Variants in CLDN16 observed in about 807,000 individuals in gnomAD.
The protein encoded by CLDN16 is claudin-16.
A neutral mutation model predicts 24.6 loss-of-function variants in CLDN16; 13 were observed. The ratio of observed to expected loss-of-function variants is 0.53; its 90% CI spans 0.34 to 0.84. CLDN16 has a LOEUF of 0.84. Among genes scored for constraint, CLDN16 ranks in the 40% least tolerant of loss-of-function variants. The pLI, the probability that CLDN16 is intolerant of heterozygous loss-of-function variation, is 0.01. For missense variants in CLDN16, 298 were observed against 292.7 expected, an observed-to-expected ratio of 1.02 and a Z score of -0.13; for synonymous variants, 116 against 106.7, an observed-to-expected ratio of 1.09 and a Z score of -0.54.
the CLDN16 span, chr3:190,306,040 T>A: frequency 6.6e-6 from 1 of 152,258 alleles, no homozygotes; most frequent in African/African-American, 2.4e-5. Flanking sequence ...CAATTCCTCA[T>A]AAGACACAGT....
intron 1 of CLDN16, among the ~76,000 whole-genome samples, chr3:190,365,432 G>C (rs1378095195): frequency 2.6e-5 from 4 of 151,216 alleles, no homozygotes; most frequent in African/African-American, 9.7e-5. Context: ...TGGGCTTCCA[G>C]CCTTAGGTGG....
intron 1 of CLDN16, among the ~76,000 whole-genome samples, chr3:190,398,078 T>C (rs915718330): frequency 9.2e-5 from 14 of 152,214 alleles, no homozygotes; most frequent in African/African-American, 3.4e-4. Context: ...TTGTATCACC[T>C]AGCTTGAGCT....
chr3:190,409,227 C>T (rs1316567336), intron 4 of CLDN16, among the ~76,000 whole-genome samples: 7 of 151,604 alleles, frequency 4.6e-5, no homozygotes, highest in African/African-American at 1.2e-4. Context: ...CACGTATATG[C>T]ATGTATATAT....
rs1447536540 is a variant in CLDN16 at position 190,411,776 on chromosome 3, CATTTTT to C, written c.*1744_*1749del. On this transcript the variant is annotated 3_prime_UTR_variant, in exon 5 of 5. Transcript: ENST00000264734. ...TTAACAGCAATTGATTTAACTATCTCATTTTTATTAACTGTAATTTACTTTAAAAAT... is the reference window on the plus strand; with the variant it reads ...TTAACAGCAATTGATTTAACTATCTCATTAACTGTAATTTACTTTAAAAAT... 6.6e-6 allele frequency: 1 copy of C among 152,120 alleles called. No homozygotes were observed. Among genetic ancestry groups the C allele is most frequent in the Admixed American group, 6.5e-5 (1 of 15,274 alleles). 9.4% of individuals were successfully genotyped at this position (152,120 alleles called of 1,614,324 possible).
chr3:190,340,715 A>G (rs1326572556), intron 1 of CLDN16, among the ~76,000 whole-genome samples: 18 of 152,168 alleles, frequency 1.2e-4, no homozygotes, highest in Admixed American at 1.2e-3. Context: ...AACTCATTTC[A>G]GCATTAACTC....
At chr3:190,361,171 G>A (rs1402444413) in intron 1 of CLDN16, among the ~76,000 whole-genome samples, 1 of 151,960 alleles carries the variant, frequency 6.6e-6, no homozygotes, top group African/African-American at 2.4e-5. Context: ...TAATTACCCA[G>A]CACCCACTAT....
intron 3 of CLDN16, among the ~76,000 whole-genome samples, chr3:190,407,900 T>C (rs539370190): frequency 1.3e-4 from 20 of 152,308 alleles, no homozygotes; most frequent in Non-Finnish European, 2.6e-4. Flanking sequence ...AATTTAAAAA[T>C]CATTACAGAA....
chr3:190,394,519 G>T (rs1038191957), intron 1 of CLDN16, among the ~76,000 whole-genome samples: 1 of 152,012 alleles, frequency 6.6e-6, no homozygotes, highest in African/African-American at 2.4e-5. Context: ...CAGCATGCCC[G>T]TTGATTATAT....
intron 1 of CLDN16, among the ~76,000 whole-genome samples, chr3:190,363,220 G>A (rs1250052513): frequency 1.3e-5 from 2 of 151,148 alleles, no homozygotes; most frequent in Non-Finnish European, 3.0e-5. Context: ...TGTTCAATTT[G>A]CTATTGACAC....
chr3:190,320,722 A>G (rs1716895272), upstream of CLDN16, among the ~76,000 whole-genome samples: 1 of 152,188 alleles, frequency 6.6e-6, no homozygotes, highest in Non-Finnish European at 1.5e-5. Context: ...AGTTAAGTAA[A>G]CTTGAACAAT....
Position 190,343,107 on chromosome 3 carries a change from C to G in CLDN16, n.121+20446C>G, listed in dbSNP as rs139036526. On this transcript the variant is annotated intron_variant and non_coding_transcript_variant, in intron 1 of 4. Transcript: ENST00000468220. ...AGATTTATAAAGATCTCATCCAACT[C>G]AATAGTGAGAAAACTTATAACCCAC... 2.8e-3 allele frequency among the ~76,000 whole-genome samples: 433 copies of G among 152,040 alleles called. 11 individuals carry two copies. In the South Asian group the frequency reaches 0.042, roughly 15 times the overall value.
At chr3:190,322,251 A>C, upstream of CLDN16, 1 of 1,580,682 alleles carries the variant, frequency 6.3e-7, no homozygotes, top group Non-Finnish European at 8.7e-7. Flanking sequence ...GCAGGTGCAG[A>C]AGGCGGAGAG....
Position 190,411,794 on chromosome 3 carries a change from T to A in CLDN16, c.*1758T>A, listed in dbSNP as rs1486748019. ...ACTATCTCATTTTTATTAACTGTAA[T>A]TTACTTTAAAAATATTTGCAAATCA... On this transcript the variant is annotated 3_prime_UTR_variant, in exon 5 of 5. Coordinates refer to ENST00000264734, the MANE Select transcript of CLDN16 (RefSeq NM_006580.4). The A allele has an allele frequency of 6.6e-6, 1 of 152,174 alleles. No individual in the cohort carries two copies. Among genetic ancestry groups the A allele is most frequent in the East Asian group, 1.9e-4 (1 of 5,196 alleles). The allele number at this position is 152,174 out of a possible 1,614,324, so 9.4% of individuals were successfully genotyped here.
At chr3:190,352,772 C>T (rs937838921) in intron 1 of CLDN16, among the ~76,000 whole-genome samples, 48 of 150,028 alleles carry the variant, frequency 3.2e-4, no homozygotes, top group African/African-American at 1.1e-3. Flanking sequence ...TAGAATTTAT[C>T]GGGGCTCTGT....
upstream of CLDN16, chr3:190,322,218 G>A: frequency 6.2e-7 from 1 of 1,612,756 alleles, no homozygotes; most frequent in South Asian, 1.1e-5. Context: ...ACTCGCTCGG[G>A]CGCCCGCGCT....
upstream of CLDN16, chr3:190,322,405 A>G (rs893495468): frequency 4.9e-6 from 3 of 610,402 alleles, no homozygotes; most frequent in Admixed American, 2.8e-5. Flanking sequence ...TGGAGTCTGG[A>G]TACTAGAAGC....
upstream of CLDN16, among the ~76,000 whole-genome samples, chr3:190,386,542 A>G (rs1718502227): frequency 6.6e-6 from 1 of 152,132 alleles, no homozygotes; most frequent in Non-Finnish European, 1.5e-5. Flanking sequence ...GGCCAAAGGG[A>G]TGATTCATAT....
At chr3:190,366,433 C>T (rs973544727) in intron 1 of CLDN16, among the ~76,000 whole-genome samples, 1 of 151,840 alleles carries the variant, frequency 6.6e-6, no homozygotes, top group African/African-American at 2.4e-5. Flanking sequence ...TTTAAAAAAT[C>T]CCATTTTAAA....
At chr3:190,311,430 T>C in the CLDN16 span, among the ~76,000 whole-genome samples, 1 of 152,178 alleles carries the variant, frequency 6.6e-6, no homozygotes, top group Non-Finnish European at 1.5e-5. Context: ...CATTTTAAAC[T>C]AACCACATCT....
Sources: allele counts gnomAD v4.1 joint callset (sites outside exome capture counted in the v4.1 genomes callset), GRCh38; gene constraint gnomAD v4.1.1; transcripts MANE v1.5; gene names NCBI Gene and HGNC (gene_info 2026-07-23, HGNC 2026-07-21).